The following POC1A variants were observed in gnomAD, a reference collection of about 807,000 sequenced individuals.
The protein encoded by POC1A is POC1 centriolar protein A.
In POC1A, 34 loss-of-function variants were observed where a neutral mutation model predicts 47.8. That is an observed-to-expected ratio of 0.71 (90% confidence interval 0.54 to 0.95). POC1A has a LOEUF of 0.95. POC1A is among the 40% of genes least tolerant of loss of function. The pLI, the probability that POC1A is intolerant of heterozygous loss-of-function variation, is 0.00. For missense variants in POC1A, 466 were observed against 528.3 expected, an observed-to-expected ratio of 0.88 and a Z score of 1.16; for synonymous variants, 177 against 207.6, an observed-to-expected ratio of 0.85 and a Z score of 1.27.
At position 52,149,150 on chromosome 3, in the gene POC1A, C is replaced by T. The variant is rs531660883; in HGVS notation, c.455+60G>A. ...GTCATAAGTTGGTACCTAGCAGCCC[C>T]TGGGCCAGCCCCCAACCCCCAGGGT... is the stretch of plus-strand genomic sequence containing the variant. On this transcript the variant is annotated intron_variant, in intron 4 of 10. Coordinates refer to ENST00000296484, the MANE Select transcript of POC1A (RefSeq NM_015426.5). 13 of 1,523,690 alleles carry T rather than the reference C, an allele frequency of 8.5e-6. No homozygotes were observed. The South Asian group carries it at 1.0e-4, about 12-fold the overall frequency. 94.4% of individuals were successfully genotyped at this position (1,523,690 alleles called of 1,614,324 possible).
intron 7 of POC1A, among the ~76,000 whole-genome samples, chr3:52,127,246 C>T (rs537434879): frequency 2.0e-5 from 3 of 152,270 alleles, no homozygotes; most frequent in East Asian, 1.9e-4. Flanking sequence ...TCATGCAGGG[C>T]CTGACTGCAG....
At chr3:52,105,171 A>G (rs1409799288) in intron 9 of POC1A, among the ~76,000 whole-genome samples, 2 of 152,216 alleles carry the variant, frequency 1.3e-5, no homozygotes, top group African/African-American at 4.8e-5. Flanking sequence ...CCCTTCCTGT[A>G]CAGACCCAGG....
intron 9 of POC1A, among the ~76,000 whole-genome samples, chr3:52,119,621 C>A (rs1703696121): frequency 6.6e-6 from 1 of 152,104 alleles, no homozygotes; most frequent in Admixed American, 6.5e-5. Flanking sequence ...GTCTTGAACT[C>A]CTAGGCACAA....
chr3:52,078,897 G>A (rs1702200242), intron 10 of POC1A, among the ~76,000 whole-genome samples: 1 of 152,240 alleles, frequency 6.6e-6, no homozygotes, highest in South Asian at 2.1e-4. Flanking sequence ...GCATCCAAGT[G>A]GCAAAGTGGA....
intron 10 of POC1A, among the ~76,000 whole-genome samples, chr3:52,094,674 C>T (rs927009212): frequency 2.0e-5 from 3 of 152,242 alleles, no homozygotes; most frequent in African/African-American, 7.2e-5. Flanking sequence ...GCATTGAGTC[C>T]GTCAAGAACA....
rs373564055 is a variant in POC1A, at chr3:52,104,486, G to A, written c.982-7774C>T. 7.6e-4 allele frequency among the ~76,000 whole-genome samples: 116 copies of A among 152,208 alleles called. 2 individuals carry two copies. The South Asian group carries it at 0.023, about 30-fold the overall frequency. On this transcript the variant is annotated intron_variant, in intron 9 of 10. Coordinates refer to ENST00000296484, the MANE Select transcript of POC1A (RefSeq NM_015426.5). ...GTTACTATTCGTAAATTATAAAGCC[G>A]GACTGAAAACAAAAAACATGTGGTT...
At chr3:52,149,105 G>C in intron 4 of POC1A, 105 bp downstream of exon 4, 1 of 863,258 alleles carries the variant, frequency 1.2e-6, no homozygotes, top group Non-Finnish European at 1.9e-6. Context: ...CTTAAACAAT[G>C]CCTAAGTAAC....
At chr3:52,137,651 T>C (rs1340777125) in intron 7 of POC1A, among the ~76,000 whole-genome samples, 2 of 152,162 alleles carry the variant, frequency 1.3e-5, no homozygotes, top group Non-Finnish European at 2.9e-5. Context: ...GGGAACCGGC[T>C]GCTTTGAAGC....
At chr3:52,151,166 C>T in intron 1 of POC1A, 66 bp from the exon 2 acceptor site, 15 of 1,605,380 alleles carry the variant, frequency 9.3e-6, no homozygotes, top group Non-Finnish European at 1.3e-5. Context: ...AGGGCCAGCA[C>T]TCTTCCTACA....
intron 10 of POC1A, among the ~76,000 whole-genome samples, chr3:52,078,112 C>A (rs956770707): frequency 6.6e-6 from 1 of 152,190 alleles, no homozygotes; most frequent in Admixed American, 6.5e-5. Flanking sequence ...CAACACCCCT[C>A]AAGGCAGTTT....
intron 1 of POC1A, among the ~76,000 whole-genome samples, chr3:52,153,799 G>C (rs1253449926): frequency 6.6e-6 from 1 of 152,216 alleles, no homozygotes; most frequent in Non-Finnish European, 1.5e-5. Flanking sequence ...AGTGCCTCAG[G>C]GCATCACAGG....
chr3:52,080,689 G>A (rs1702252237), intron 10 of POC1A, among the ~76,000 whole-genome samples: 1 of 152,242 alleles, frequency 6.6e-6, no homozygotes, highest in East Asian at 1.9e-4. Flanking sequence ...ACGAGAAGCT[G>A]CCCCAATCAC....
intron 9 of POC1A, among the ~76,000 whole-genome samples, chr3:52,107,154 G>C (rs971256670): frequency 6.6e-6 from 1 of 152,222 alleles, no homozygotes; most frequent in African/African-American, 2.4e-5. Context: ...TGGCATGTGC[G>C]GTTCCTTCCC....
At chr3:52,140,928 A>C (rs1027925773) in intron 6 of POC1A, among the ~76,000 whole-genome samples, 1 of 152,232 alleles carries the variant, frequency 6.6e-6, no homozygotes, top group Non-Finnish European at 1.5e-5. Flanking sequence ...CTTGAGCGCC[A>C]AATGTCTGAG....
At chr3:52,103,899 C>A (rs767966760) in intron 9 of POC1A, among the ~76,000 whole-genome samples, 2 of 152,032 alleles carry the variant, frequency 1.3e-5, no homozygotes, top group Non-Finnish European at 2.9e-5. Flanking sequence ...CTGGCACGAA[C>A]GTAAGATGGC....
intron 6 of POC1A, among the ~76,000 whole-genome samples, chr3:52,141,933 A>G (rs1392944100): frequency 1.3e-5 from 2 of 152,326 alleles, no homozygotes; most frequent in South Asian, 2.1e-4. Flanking sequence ...TTGGGACTCT[A>G]TGAGTTCTAA....
intron 10 of POC1A, among the ~76,000 whole-genome samples, chr3:52,080,069 C>T (rs1481581425): frequency 1.3e-5 from 2 of 152,156 alleles, no homozygotes; most frequent in Non-Finnish European, 1.5e-5. Flanking sequence ...ACGGGACGCT[C>T]GTGTGTGCCA....
At chr3:52,119,393 C>CTT (rs201766579) in intron 9 of POC1A, among the ~76,000 whole-genome samples, 21 of 143,308 alleles carry the variant, frequency 1.5e-4, no homozygotes, top group African/African-American at 4.1e-4. Flanking sequence ...CATCAGAAGA[C>CTT]TTTTTTTTTT....
chr3:52,096,665 C>A lies in POC1A; in HGVS notation c.1029G>T (p.Glu343Asp). 1 of 1,610,604 alleles carries A rather than the reference C, an allele frequency of 6.2e-7. No homozygotes were observed. The highest frequency in any genetic ancestry group is 8.5e-7 in the Non-Finnish European group (1 of 1,178,612). ...GCTCCTGGGGCTGGCTCTGCACAGA[C>A]TCCACACTCCTGCCTCTGCCTGGGG... ...PVPPGRGRSV[E>D]SVQSQPQEPV... Residue 343 changes from glutamate to aspartate, a missense_variant, in exon 10 of 11, where the codon GAG becomes GAT. Coordinates refer to ENST00000296484, the MANE Select transcript of POC1A (RefSeq NM_015426.5).
Sources: allele counts gnomAD v4.1 joint callset (sites outside exome capture counted in the v4.1 genomes callset), GRCh38; gene constraint gnomAD v4.1.1; transcripts MANE v1.5; gene names NCBI Gene and HGNC (gene_info 2026-07-23, HGNC 2026-07-21).